The following LUC7L3 variants were observed in gnomAD, a reference collection of about 807,000 sequenced individuals.
LUC7L3 encodes the protein luc7-like protein 3.
LUC7L3 carries 6 observed loss-of-function variants against 66.8 expected under a neutral mutation model. The ratio of observed to expected loss-of-function variants is 0.09; its 90% confidence interval spans 0.05 to 0.18. The LOEUF is 0.18. LUC7L3 is among the 10% of genes least tolerant of loss of function. The pLI, the probability that LUC7L3 is intolerant of heterozygous loss-of-function variation, is 1.00. For missense variants in LUC7L3, 341 were observed against 531.1 expected (o/e 0.64, Z 3.52); for synonymous variants, 160 against 174.7 (o/e 0.92, Z 0.66).
chr17:50,737,895 G>T (rs562405806), intron 2 of LUC7L3, among the ~76,000 whole-genome samples: 1 of 152,096 alleles, frequency 6.6e-6, no homozygotes, highest in East Asian at 1.9e-4. Flanking sequence ...CTCAAGGATG[G>T]TACATAACCA....
intron 1 of LUC7L3, among the ~76,000 whole-genome samples, chr17:50,724,611 T>TTGTGTG (rs58361696): frequency 0.056 from 8,245 of 147,148 alleles, 307 homozygotes; most frequent in Admixed American, 0.068. Context: ...TTTAGGAAAA[T>TTGTGTG]TGTGTGTGTG....
chr17:50,734,132 A>G (rs1969824257), intron 1 of LUC7L3, among the ~76,000 whole-genome samples: 1 of 152,110 alleles, frequency 6.6e-6, no homozygotes, highest in Non-Finnish European at 1.5e-5. Flanking sequence ...ATTTGTGACA[A>G]CAATGTTTAA....
Position 50,754,201 on chromosome 17 carries a change from G to C in LUC7L3, c.*3540G>C, listed in dbSNP as rs1026235793. 2 of 151,432 alleles carry C rather than the reference G, an allele frequency of 1.3e-5. No individual in the cohort carries two copies. Among genetic ancestry groups the C allele is most frequent in the African/African-American group, 4.9e-5 (2 of 41,100 alleles). 9.4% of individuals were successfully genotyped at this position (151,432 alleles called of 1,614,324 possible). ...CAAACCAGTTTTAATCAATCAGATT[G>C]CTTGGTAAGTTTGGAATCTGCAATC... On this transcript the variant is annotated 3_prime_UTR_variant, in exon 10 of 10. Transcript: ENST00000505658.
At chr17:50,743,595 A>G in intron 5 of LUC7L3, 111 bp from the exon 6 acceptor site, 1 of 677,696 alleles carries the variant, frequency 1.5e-6, no homozygotes, top group Non-Finnish European at 2.5e-6. Context: ...GCTTTTGTAA[A>G]TGAAACCAAA....
Position 50,736,828 on chromosome 17 carries a change from C to G in LUC7L3, c.100-132C>G, listed in dbSNP as rs1467164352. 5 of 633,118 alleles carry G rather than the reference C, an allele frequency of 7.9e-6. No individual in the cohort carries two copies. The East Asian group carries it at 8.5e-5, about 11-fold the overall frequency. 39.2% of individuals were successfully genotyped at this position (633,118 alleles called of 1,614,324 possible). ...AATCACTAATTTACCTAATATGATT[C>G]AACAAATGAAATTCTTACATTGGTT... is the stretch of plus-strand genomic sequence containing the variant. On this transcript the variant is annotated intron_variant, in intron 1 of 9. Coordinates refer to ENST00000505658, the MANE Select transcript of LUC7L3 (RefSeq NM_016424.5).
rs373190034 is a variant in LUC7L3, at chr17:50,721,340, T to G, written c.99+1509T>G. On this transcript the variant is annotated intron_variant, in intron 1 of 9. Coordinates refer to ENST00000505658, the MANE Select transcript of LUC7L3 (RefSeq NM_016424.5). ...TTTGAACACGTTTTAGAGAAACTGTTTTCTTTCCCGGGGTAATTTGTTGCC... is the reference window on the plus strand; with the variant it reads ...TTTGAACACGTTTTAGAGAAACTGTGTTCTTTCCCGGGGTAATTTGTTGCC... 3.3e-5 allele frequency among the ~76,000 whole-genome samples: 5 copies of G among 152,320 alleles called. No homozygotes were observed. In the East Asian group the frequency reaches 7.7e-4, roughly 23 times the overall value.
At chr17:50,728,592 G>T (rs562560614) in intron 1 of LUC7L3, among the ~76,000 whole-genome samples, 361 of 152,260 alleles carry the variant, frequency 2.4e-3, no homozygotes, top group Non-Finnish European at 4.4e-3. Flanking sequence ...TTGATCTGTT[G>T]TCTAGGCCGG....
chr17:50,722,541 C>T (rs1460441963), intron 1 of LUC7L3: 1 of 152,202 alleles, frequency 6.6e-6, no homozygotes, highest in East Asian at 1.9e-4. Context: ...TGTTTCCTGA[C>T]CCATCCTGAT....
intron 1 of LUC7L3, among the ~76,000 whole-genome samples, chr17:50,735,029 G>A (rs1969881994): frequency 6.6e-6 from 1 of 152,046 alleles, no homozygotes; most frequent in African/African-American, 2.4e-5. Flanking sequence ...TTGGGAGTTC[G>A]AGACCAGCCT....
intron 1 of LUC7L3, among the ~76,000 whole-genome samples, chr17:50,734,267 A>G (rs1335353470): frequency 6.6e-6 from 1 of 151,848 alleles, no homozygotes; most frequent in African/African-American, 2.4e-5. Context: ...TCCCAGGTTC[A>G]AGCAATTCTC....
chr17:50,737,960 A>G (rs1970086332), intron 2 of LUC7L3: 3 of 300,158 alleles, frequency 1.0e-5, no homozygotes, highest in South Asian at 8.8e-5. Flanking sequence ...TCTTTGCCTT[A>G]GAGCATTAGG....
intron 1 of LUC7L3, among the ~76,000 whole-genome samples, chr17:50,730,808 T>C (rs1969557100): frequency 6.6e-6 from 1 of 151,842 alleles, no homozygotes; most frequent in Non-Finnish European, 1.5e-5. Context: ...GGCATTGTGG[T>C]ATGCTCCTGT....
At position 50,752,101 on chromosome 17, in the gene LUC7L3, T is replaced by C. The variant is rs1970999730; in HGVS notation, c.*1440T>C. On this transcript the variant is annotated 3_prime_UTR_variant, in exon 10 of 10. Transcript: ENST00000505658. Reference sequence around the variant, plus strand: ...AGAATACAAGCATTCCATGTACACATGTTAATTAGCAGTTAGTGACTGGGC... The same window carrying C: ...AGAATACAAGCATTCCATGTACACACGTTAATTAGCAGTTAGTGACTGGGC... 8.0e-7 allele frequency: 1 copy of C among 1,251,364 alleles called. No homozygotes were observed. Among genetic ancestry groups the C allele is most frequent in the Non-Finnish European group, 1.0e-6 (1 of 972,512 alleles). 77.5% of individuals were successfully genotyped at this position (1,251,364 alleles called of 1,614,324 possible). A position where few individuals can be genotyped will look rare whatever the true frequency, so the allele number is the denominator to read the frequency against.
At position 50,751,666 on chromosome 17, in the gene LUC7L3, G is replaced by A. The variant is rs1405957786; in HGVS notation, c.*1005G>A. On this transcript the variant is annotated 3_prime_UTR_variant, in exon 10 of 10. Transcript: ENST00000505658. ...ATTCTCAAGTCTATAAGAGGTATGTGCTTAATATTTCCTACTGTGTAGGAG... is the reference window on the plus strand; with the variant it reads ...ATTCTCAAGTCTATAAGAGGTATGTACTTAATATTTCCTACTGTGTAGGAG... 8 of 1,090,334 alleles carry A rather than the reference G, an allele frequency of 7.3e-6. No homozygotes were observed. Among genetic ancestry groups the A allele is most frequent in the Non-Finnish European group, 7.9e-6 (7 of 890,036 alleles). 67.5% of individuals were successfully genotyped at this position (1,090,334 alleles called of 1,614,324 possible).
rs1275263113 is a variant in LUC7L3 at position 50,719,684 on chromosome 17, C to G, written c.-49C>G. On this transcript the variant is annotated 5_prime_UTR_variant, in exon 1 of 10. Coordinates refer to ENST00000505658, the MANE Select transcript of LUC7L3 (RefSeq NM_016424.5). Reference sequence around the variant, plus strand: ...TTGGCGACGGTGTCGCCCGTGTTTTCGTTGGCGGGTGCCTGGGCTGGTGGG... The same window carrying G: ...TTGGCGACGGTGTCGCCCGTGTTTTGGTTGGCGGGTGCCTGGGCTGGTGGG... 2.0e-6 allele frequency: 3 copies of G among 1,501,034 alleles called. No homozygotes were observed. The African/African-American group carries it at 4.1e-5, about 21-fold the overall frequency. 93.0% of individuals were successfully genotyped at this position (1,501,034 alleles called of 1,614,324 possible).
intron 2 of LUC7L3, 63 bp downstream of exon 2, chr17:50,737,089 G>A (rs1433308479): frequency 1.7e-6 from 2 of 1,182,296 alleles, no homozygotes; most frequent in African/African-American, 3.1e-5. Context: ...GAATAGGAGT[G>A]GTGAAAGGAA....
chr17:50,749,269 A>C, intron 9 of LUC7L3: 1 of 1,289,354 alleles, frequency 7.8e-7, no homozygotes, highest in Non-Finnish European at 1.0e-6. Flanking sequence ...CGGGACAACA[A>C]GACGACTCTT....
chr17:50,734,953 G>A (rs375757489), intron 1 of LUC7L3, among the ~76,000 whole-genome samples: 128 of 152,180 alleles, frequency 8.4e-4, no homozygotes, highest in Non-Finnish European at 1.5e-3. Context: ...AAACTTTCAC[G>A]TCTGAGCGCG....
At chr17:50,723,993 G>T (rs1458212657) in intron 1 of LUC7L3, 1 of 455,822 alleles carries the variant, frequency 2.2e-6, no homozygotes, top group Non-Finnish European at 4.4e-6. Context: ...AGAATTGCCA[G>T]CAGTCCATGT....
Sources: allele counts gnomAD v4.1 joint callset (sites outside exome capture counted in the v4.1 genomes callset), GRCh38; gene constraint gnomAD v4.1.1; transcripts MANE v1.5; gene names NCBI Gene and HGNC (gene_info 2026-07-23, HGNC 2026-07-21).